Variants in NHERF2 observed in about 807,000 individuals in gnomAD.
NHERF2 encodes the protein Na(+)/H(+) exchange regulatory cofactor NHE-RF2.
chr16:2,030,529 A>G, the NHERF2 span, among the ~76,000 whole-genome samples: 3 of 151,682 alleles, frequency 2.0e-5, no homozygotes, highest in Non-Finnish European at 2.9e-5. Context: ...GCGGCCTGGC[A>G]GGCCTTGGGG....
the NHERF2 span, chr16:2,033,339 C>A: frequency 6.5e-7 from 1 of 1,533,192 alleles, no homozygotes; most frequent in Non-Finnish European, 8.7e-7. Context: ...CTTGCTGTCA[C>A]TGTGCCGCTG....
the NHERF2 span, chr16:2,037,018 A>G: frequency 1.3e-6 from 2 of 1,549,198 alleles, no homozygotes; most frequent in African/African-American, 1.4e-5. Flanking sequence ...TGGGGTGCCC[A>G]TGAGACACAG....
chr16:2,027,404 G>A, the NHERF2 span, among the ~76,000 whole-genome samples: 1 of 152,206 alleles, frequency 6.6e-6, no homozygotes, highest in African/African-American at 2.4e-5. Context: ...GGGGTGGGGG[G>A]GGGCATCCTG....
the NHERF2 span, chr16:2,038,424 C>G: frequency 4.3e-6 from 1 of 232,646 alleles, no homozygotes; most frequent in Non-Finnish European, 8.4e-6. Context: ...CCTCCCCCTT[C>G]CCCTCCCCCT....
the NHERF2 span, chr16:2,037,451 TGG>T: frequency 1.2e-5 from 13 of 1,113,210 alleles, no homozygotes; most frequent in South Asian, 1.4e-5. Context: ...GAGCACACAC[TGG>T]GGGGGGGTGT....
At chr16:2,036,913 CGGTGT>C in the NHERF2 span, 1 of 1,588,134 alleles carries the variant, frequency 6.3e-7, no homozygotes, top group Non-Finnish European at 8.6e-7. Flanking sequence ...AGGGTGGGTG[CGGTGT>C]GGTGGCTGAG....
the NHERF2 span, among the ~76,000 whole-genome samples, chr16:2,031,775 T>C: frequency 6.6e-6 from 1 of 152,146 alleles, no homozygotes; most frequent in African/African-American, 2.4e-5. Flanking sequence ...CACTACAACC[T>C]CCGCTGTCTG....
the NHERF2 span, among the ~76,000 whole-genome samples, chr16:2,028,821 T>C: frequency 6.6e-6 from 1 of 152,146 alleles, no homozygotes; most frequent in African/African-American, 2.4e-5. Context: ...TCCGCGGGTG[T>C]GCGCTGGCCC....
the NHERF2 span, among the ~76,000 whole-genome samples, chr16:2,028,383 G>C: frequency 6.6e-6 from 1 of 152,196 alleles, no homozygotes; most frequent in Non-Finnish European, 1.5e-5. Flanking sequence ...GCTGGGGCCA[G>C]GCTGCTGTTG....
chr16:2,033,862 C>T, the NHERF2 span, among the ~76,000 whole-genome samples: 4 of 152,344 alleles, frequency 2.6e-5, no homozygotes, highest in South Asian at 6.2e-4. Context: ...ACCCTGGCCC[C>T]TCCATTGCAG....
the NHERF2 span, among the ~76,000 whole-genome samples, chr16:2,031,855 C>T: frequency 6.6e-6 from 1 of 152,094 alleles, no homozygotes; most frequent in African/African-American, 2.4e-5. Context: ...CCACACCTGA[C>T]TAATTTTTGT....
At chr16:2,029,570 C>T in the NHERF2 span, 14 of 1,560,090 alleles carry the variant, frequency 9.0e-6, no homozygotes, top group East Asian at 2.9e-4. Context: ...TCCTATCGCC[C>T]ATTCGCCCCA....
chr16:2,028,905 GTGCACC>G, the NHERF2 span, among the ~76,000 whole-genome samples: 1 of 152,140 alleles, frequency 6.6e-6, no homozygotes, highest in South Asian at 2.1e-4. Flanking sequence ...CTGTCCACAG[GTGCACC>G]TGCCTCTCCC....
chr16:2,038,402 CCCCCCCCT>C, the NHERF2 span: 2 of 295,482 alleles, frequency 6.8e-6, no homozygotes, highest in South Asian at 3.9e-5. Context: ...TACCAGAGAC[CCCCCCCCT>C]TCCCCTCCCC....
At chr16:2,038,035 G>C in the NHERF2 span, 1 of 1,599,656 alleles carries the variant, frequency 6.3e-7, no homozygotes, top group Non-Finnish European at 8.5e-7. Flanking sequence ...CACGGACCTT[G>C]GGCCTCAGCC....
At chr16:2,029,150 CCTT>C in the NHERF2 span, among the ~76,000 whole-genome samples, 1 of 152,240 alleles carries the variant, frequency 6.6e-6, no homozygotes, top group East Asian at 1.9e-4. Flanking sequence ...ACACACCTCT[CCTT>C]CAAACCTGGA....
chr16:2,037,668 G>T, the NHERF2 span: 1 of 1,577,692 alleles, frequency 6.3e-7, no homozygotes, highest in Non-Finnish European at 8.6e-7. Context: ...GGCGTCTGTG[G>T]AGATGTCAGC....
chr16:2,037,987 C>T, the NHERF2 span: 6 of 1,613,468 alleles, frequency 3.7e-6, no homozygotes, highest in Non-Finnish European at 5.1e-6. Flanking sequence ...ACTTCTGAGC[C>T]CCTTCCTGCC....
chr16:2,028,756 G>A, the NHERF2 span, among the ~76,000 whole-genome samples: 3 of 152,132 alleles, frequency 2.0e-5, no homozygotes, highest in African/African-American at 7.2e-5. Flanking sequence ...CAGGCCGCAG[G>A]TGGGAGTAGG....
Sources: gnomAD v4.1 joint callset for allele counts (sites outside exome capture counted in the v4.1 genomes callset) on GRCh38, gnomAD v4.1.1 for gene constraint, MANE v1.5 for transcripts, NCBI Gene and HGNC (gene_info 2026-07-23, HGNC 2026-07-21) for gene names.